The following MBNL3 variants were observed in gnomAD, a reference collection of about 807,000 sequenced individuals.
MBNL3 encodes the protein muscleblind like splicing regulator 3.
A neutral mutation model predicts 24.5 loss-of-function variants in MBNL3; 6 were observed. The observed-to-expected ratio is 0.25, with a 90% CI of 0.13 to 0.48. The LOEUF (loss-of-function observed/expected upper bound fraction) is 0.48, where lower values mean the gene tolerates loss of function less well. MBNL3 is among the 20% of genes least tolerant of loss of function. The probability of loss-of-function intolerance (pLI) is 0.99; values close to 1 mark genes in which losing one functional copy is unlikely to be tolerated. For missense variants in MBNL3, 230 were observed against 293.5 expected (o/e 0.78, Z 1.58); for synonymous variants, 100 against 101.7 (o/e 0.98, Z 0.10).
At chrX:132,472,308 A>C (rs888228910) in intron 1 of MBNL3, among the ~76,000 whole-genome samples, 2 of 112,067 alleles carry the variant, frequency 1.8e-5, no homozygotes, top group African/African-American at 6.5e-5. Context: ...GTGAGCTTGC[A>C]CTTTCAGACA....
chrX:132,400,700 G>A (rs775172293), intron 3 of MBNL3, among the ~76,000 whole-genome samples: 3 of 111,787 alleles, frequency 2.7e-5, no homozygotes, highest in African/African-American at 9.7e-5. Context: ...AACAATGTTA[G>A]TTGAACAAAC....
chrX:132,462,940 A>G (rs1372935251), intron 1 of MBNL3, among the ~76,000 whole-genome samples: 1 of 111,885 alleles, frequency 8.9e-6, no homozygotes, highest in Non-Finnish European at 1.9e-5. Context: ...AGCTATAAGC[A>G]AAGAGCCACG....
At chrX:132,489,471 G>GCAACCCCGGTCC (rs1225096203), upstream of MBNL3, among the ~76,000 whole-genome samples, 5 of 111,263 alleles carry the variant, frequency 4.5e-5, no homozygotes, top group African/African-American at 6.5e-5. Flanking sequence ...AGCTACCATA[G>GCAACCCCGGTCC]CAACCCCGGT....
intron 2 of MBNL3, among the ~76,000 whole-genome samples, chrX:132,414,380 A>G (rs147072548): frequency 1.2e-4 from 13 of 112,376 alleles, no homozygotes; most frequent in African/African-American, 3.6e-4. Flanking sequence ...GTTTATGGGC[A>G]TATCATAGAA....
At chrX:132,412,680 C>T (rs1468938705) in intron 2 of MBNL3, among the ~76,000 whole-genome samples, 1 of 112,434 alleles carries the variant, frequency 8.9e-6, no homozygotes. Context: ...GCCTGCCTCA[C>T]TAATAACCCA....
intron 6 of MBNL3, 144 bp downstream of exon 6, chrX:132,386,517 C>T (rs1359733662): frequency 5.0e-6 from 3 of 594,080 alleles, no homozygotes; most frequent in Non-Finnish European, 7.4e-6. Flanking sequence ...TAGATACTAG[C>T]AGATAAGCAT....
At chrX:132,382,451 A>AG (rs781756562) in intron 7 of MBNL3, among the ~76,000 whole-genome samples, 179 bp from the exon 8 acceptor site, 12 of 111,947 alleles carry the variant, frequency 1.1e-4, no homozygotes, top group African/African-American at 3.6e-4. Context: ...ACAGCATGGA[A>AG]GGGGGGAAAA....
At chrX:132,489,335 G>A (rs968827419), upstream of MBNL3, among the ~76,000 whole-genome samples, 2 of 112,191 alleles carry the variant, frequency 1.8e-5, no homozygotes, top group African/African-American at 6.5e-5. Context: ...GTGGGAGGAG[G>A]GGACAAGGCC....
chrX:132,433,237 C>T (rs778536622), intron 2 of MBNL3, among the ~76,000 whole-genome samples: 3 of 111,761 alleles, frequency 2.7e-5, no homozygotes, highest in African/African-American at 6.5e-5. Context: ...AATGCAGGAC[C>T]CTAACAATGA....
At chrX:132,453,348 A>G (rs1603258747) in intron 1 of MBNL3, among the ~76,000 whole-genome samples, 3 of 111,787 alleles carry the variant, frequency 2.7e-5, no homozygotes, top group Non-Finnish European at 5.6e-5. Context: ...AAGTTCATGC[A>G]CTCAACGTAC....
chrX:132,417,452 T>C (rs1043127055), intron 2 of MBNL3, among the ~76,000 whole-genome samples: 24 of 111,333 alleles, frequency 2.2e-4, no homozygotes, highest in Non-Finnish European at 3.8e-4. Flanking sequence ...AAGAAAAAAA[T>C]AAAGCAAAGA....
At chrX:132,478,362 C>G (rs1021728917) in intron 1 of MBNL3, among the ~76,000 whole-genome samples, 1 of 111,853 alleles carries the variant, frequency 8.9e-6, no homozygotes, top group Non-Finnish European at 1.9e-5. Context: ...TATAGCACAT[C>G]TATAGCAATA....
rs985836687 is a variant in MBNL3 at position 132,376,560 on chromosome X, A to G, written c.*3106T>C. The G allele has an allele frequency of 9.0e-6, 1 of 111,452 alleles. No individual in the cohort carries two copies. The highest frequency in any genetic ancestry group is 1.9e-5 in the Non-Finnish European group (1 of 52,940). 9.2% of individuals were successfully genotyped at this position (111,452 alleles called of 1,213,427 possible). On this transcript the variant is annotated 3_prime_UTR_variant, in exon 9 of 9. Transcript: ENST00000370853. ...ATGGACAAAAACAATAAATTTGGAT[A>G]AATAGAGGCCCCTGTAAAATACAAA...
chrX:132,482,714 T>C (rs781521285), intron 1 of MBNL3, among the ~76,000 whole-genome samples: 2 of 112,591 alleles, frequency 1.8e-5, no homozygotes, highest in African/African-American at 6.4e-5. Context: ...ATTTAATAAA[T>C]GTAAACATAT....
At chrX:132,487,296 T>C (rs1301948999) in intron 1 of MBNL3, among the ~76,000 whole-genome samples, 1 of 111,724 alleles carries the variant, frequency 9.0e-6, no homozygotes, top group Non-Finnish European at 1.9e-5. Flanking sequence ...ATCCTCCCTT[T>C]ACCAAAATGC....
At chrX:132,409,341 G>A (rs1234700098) in intron 2 of MBNL3, among the ~76,000 whole-genome samples, 1 of 111,792 alleles carries the variant, frequency 8.9e-6, no homozygotes, top group East Asian at 2.8e-4. Flanking sequence ...GTGGGGATTA[G>A]GGAGGGACTG....
intron 1 of MBNL3, among the ~76,000 whole-genome samples, chrX:132,462,480 T>C (rs1946673790): frequency 8.9e-6 from 1 of 112,218 alleles, no homozygotes; most frequent in Non-Finnish European, 1.9e-5. Flanking sequence ...TGCAAATTAG[T>C]TTTTATACCA....
intron 8 of MBNL3, among the ~76,000 whole-genome samples, chrX:132,380,835 G>C (rs1439869818): frequency 9.3e-6 from 1 of 106,996 alleles, no homozygotes; most frequent in Non-Finnish European, 1.9e-5. Flanking sequence ...GAGGGTGAAG[G>C]AGAAAAAAAA....
intron 2 of MBNL3, among the ~76,000 whole-genome samples, chrX:132,426,918 C>T (rs1025586421): frequency 8.9e-6 from 1 of 112,087 alleles, no homozygotes; most frequent in Non-Finnish European, 1.9e-5. Flanking sequence ...AATGTACATA[C>T]AATTCTTAAT....
Sources: allele counts gnomAD v4.1 joint callset (sites outside exome capture counted in the v4.1 genomes callset), GRCh38; gene constraint gnomAD v4.1.1; transcripts MANE v1.5; gene names NCBI Gene and HGNC (gene_info 2026-07-23, HGNC 2026-07-21).